SEMA3A: variants seen among roughly 807,000 people sequenced by gnomAD.
SEMA3A encodes semaphorin 3A.
A neutral mutation model predicts 97.9 loss-of-function variants in SEMA3A; 29 were observed. The observed-to-expected ratio is 0.30, with a 90% confidence interval of 0.22 to 0.40. SEMA3A has a LOEUF of 0.40. SEMA3A is among the 10% of genes least tolerant of loss of function. The pLI is 1.00. For missense variants in SEMA3A, 763 were observed against 951.3 expected (o/e 0.80, Z 2.60); for synonymous variants, 321 against 323.7 (o/e 0.99, Z 0.09).
chr7:84,002,648 A>G (rs1790506756), intron 11 of SEMA3A, among the ~76,000 whole-genome samples: 1 of 152,188 alleles, frequency 6.6e-6, no homozygotes. Context: ...CCATTATGTG[A>G]TGAATGACAA....
chr7:84,492,349 C>T (rs150593090), intron 1 of SEMA3A: 16 of 152,210 alleles, frequency 1.1e-4, no homozygotes, highest in African/African-American at 3.4e-4. Flanking sequence ...GGGTTATGAA[C>T]ATAAGCTTTG....
chr7:84,370,316 G>A (rs1584270636), intron 2 of SEMA3A, among the ~76,000 whole-genome samples: 1 of 151,588 alleles, frequency 6.6e-6, no homozygotes, highest in Non-Finnish European at 1.5e-5. Flanking sequence ...ACTGCACCAC[G>A]CATGTTTCAT....
At chr7:84,477,290 T>C (rs1400878649) in intron 1 of SEMA3A, among the ~76,000 whole-genome samples, 1 of 149,944 alleles carries the variant, frequency 6.7e-6, no homozygotes, top group African/African-American at 2.4e-5. Context: ...TACAAAAAAA[T>C]TAGCCAGGCA....
chr7:83,968,704 G>T (rs1417090605), intron 15 of SEMA3A, among the ~76,000 whole-genome samples: 2 of 150,710 alleles, frequency 1.3e-5, no homozygotes, highest in Non-Finnish European at 2.9e-5. Flanking sequence ...CCAAACAATT[G>T]CAACTCATCT....
At chr7:84,353,775 A>C (rs1369821860) in intron 2 of SEMA3A, among the ~76,000 whole-genome samples, 1 of 151,748 alleles carries the variant, frequency 6.6e-6, no homozygotes, top group Admixed American at 6.6e-5. Flanking sequence ...ATAAGGAAGC[A>C]TTGGATAATC....
chr7:83,962,849 T>G (rs944884662), intron 16 of SEMA3A, among the ~76,000 whole-genome samples: 1 of 152,300 alleles, frequency 6.6e-6, no homozygotes, highest in African/African-American at 2.4e-5. Flanking sequence ...ATAATATAAT[T>G]AATTGAACAA....
intron 14 of SEMA3A, among the ~76,000 whole-genome samples, chr7:83,980,623 A>AACAAAAAAAAAATATAT (rs1310318006): frequency 1.1e-4 from 8 of 71,754 alleles, no homozygotes; most frequent in Non-Finnish European, 1.7e-4. Context: ...AAAAAAAAAA[A>AACAAAAAAAAAATATAT]ATATATATAT....
chr7:84,046,103 G>C (rs989070803), intron 6 of SEMA3A, among the ~76,000 whole-genome samples: 3 of 151,796 alleles, frequency 2.0e-5, no homozygotes, highest in African/African-American at 7.3e-5. Context: ...GCTAACTACT[G>C]AGAAACTTCA....
intron 1 of SEMA3A, among the ~76,000 whole-genome samples, chr7:84,397,423 A>G (rs948709326): frequency 9.4e-5 from 14 of 148,268 alleles, no homozygotes; most frequent in East Asian, 3.9e-4. Flanking sequence ...CATTATATAT[A>G]TAAAATATAT....
intron 3 of SEMA3A, among the ~76,000 whole-genome samples, chr7:84,242,211 C>T (rs945284906): frequency 7.2e-5 from 11 of 152,082 alleles, no homozygotes; most frequent in African/African-American, 2.4e-4. Context: ...TCTATAAATT[C>T]GTTTGGGCAG....
chr7:84,232,652 A>G (rs568571910), intron 3 of SEMA3A, among the ~76,000 whole-genome samples: 2 of 152,050 alleles, frequency 1.3e-5, no homozygotes, highest in African/African-American at 4.8e-5. Flanking sequence ...TGTATTCAAT[A>G]TCACATAACT....
chr7:84,351,179 T>C (rs1042384961), intron 2 of SEMA3A, among the ~76,000 whole-genome samples: 22 of 152,060 alleles, frequency 1.4e-4, no homozygotes, highest in African/African-American at 5.1e-4. Flanking sequence ...ATCGTGCTTA[T>C]ATAAAGTCAA....
intron 3 of SEMA3A, among the ~76,000 whole-genome samples, chr7:84,269,949 A>G (rs1800102260): frequency 6.6e-6 from 1 of 152,146 alleles, no homozygotes; most frequent in South Asian, 2.1e-4. Context: ...ATGAAAATAA[A>G]GAAAGCAATT....
chr7:84,249,376 T>TATCTATCTATC (rs1799548246), intron 3 of SEMA3A, among the ~76,000 whole-genome samples: 1 of 146,566 alleles, frequency 6.8e-6, no homozygotes. Context: ...ATCATCTATC[T>TATCTATCTATC]ATCTATCTAT....
At chr7:84,382,070 T>C (rs1196086046) in intron 1 of SEMA3A, among the ~76,000 whole-genome samples, 1 of 152,098 alleles carries the variant, frequency 6.6e-6, no homozygotes, top group Non-Finnish European at 1.5e-5. Flanking sequence ...TTGTAAAAAT[T>C]TTTAAAGTGG....
chr7:84,030,248 C>G (rs551205605), intron 6 of SEMA3A, among the ~76,000 whole-genome samples: 7 of 152,224 alleles, frequency 4.6e-5, no homozygotes, highest in African/African-American at 1.7e-4. Context: ...TAATCAATGA[C>G]TTCACACTAA....
At chr7:84,372,106 A>T (rs1212909302) in intron 1 of SEMA3A, 2 of 152,044 alleles carry the variant, frequency 1.3e-5, no homozygotes, top group Non-Finnish European at 2.9e-5. Flanking sequence ...CACTCAGAGC[A>T]CTATTATCTC....
At chr7:84,040,492 T>G (rs922165750) in intron 6 of SEMA3A, among the ~76,000 whole-genome samples, 2 of 152,098 alleles carry the variant, frequency 1.3e-5, no homozygotes, top group Non-Finnish European at 2.9e-5. Flanking sequence ...TTTTCCACTC[T>G]ACAAACTCTG....
Position 84,021,671 on chromosome 7 carries a change from AT to A in SEMA3A, c.668-7321del, listed in dbSNP as rs528056079. Among the ~76,000 whole-genome samples, 68 of 152,130 alleles carry A rather than the reference AT, an allele frequency of 4.5e-4. 1 individual carries two copies. The highest frequency in any genetic ancestry group is 1.2e-3 in the African/African-American group (51 of 41,522). On this transcript the variant is annotated intron_variant, in intron 6 of 16. Coordinates refer to ENST00000265362, the MANE Select transcript of SEMA3A (RefSeq NM_006080.3). Reference sequence around the variant, plus strand: ...CATCATCTTGTAAACTAATATCCCTATTTTTTTCTTTTTCTTTCTTGCTAAG... The same window carrying A: ...CATCATCTTGTAAACTAATATCCCTATTTTTTCTTTTTCTTTCTTGCTAAG...
Sources: allele counts gnomAD v4.1 joint callset (sites outside exome capture counted in the v4.1 genomes callset), GRCh38; gene constraint gnomAD v4.1.1; transcripts MANE v1.5; gene names NCBI Gene and HGNC (gene_info 2026-07-23, HGNC 2026-07-21).